The following ARHGAP44 variants were observed in gnomAD, a reference collection of about 807,000 sequenced individuals.
ARHGAP44 encodes rho GTPase-activating protein 44.
Under a neutral mutation model 106.8 loss-of-function variants are expected in ARHGAP44, and 43 were observed. The observed-to-expected ratio is 0.40, with a 90% confidence interval of 0.32 to 0.52. The LOEUF is 0.52. Ranked by LOEUF, ARHGAP44 falls within the 20% of genes least tolerant of loss-of-function variation. The pLI is 0.48. For synonymous variants in ARHGAP44, 439 were observed against 410.3 expected (o/e 1.07, Z -0.85); for missense variants, 866 against 1,050.5 (o/e 0.82, Z 2.43).
At chr17:12,970,449 T>C (rs2143301101) in intron 16 of ARHGAP44, among the ~76,000 whole-genome samples, 1 of 150,024 alleles carries the variant, frequency 6.7e-6, no homozygotes, top group South Asian at 2.1e-4. Flanking sequence ...CAGGTTCCAC[T>C]CCCCAGATTC....
intron 1 of ARHGAP44, chr17:12,790,202 C>G: frequency 2.7e-6 from 1 of 372,646 alleles, no homozygotes; most frequent in Non-Finnish European, 4.8e-6. Context: ...ACTCCCTTCT[C>G]CCTCTGGCCG....
chr17:12,845,515 A>AAAC (rs1555546586), intron 1 of ARHGAP44, among the ~76,000 whole-genome samples: 5 of 130,964 alleles, frequency 3.8e-5, no homozygotes, highest in African/African-American at 1.5e-4. Flanking sequence ...TCAAAAAAAA[A>AAAC]AAAAAAACAA....
intron 1 of ARHGAP44, among the ~76,000 whole-genome samples, chr17:12,819,416 T>A (rs1216174262): frequency 6.6e-6 from 1 of 152,036 alleles, no homozygotes; most frequent in Non-Finnish European, 1.5e-5. Flanking sequence ...AACAAATCTC[T>A]TTGTGAATTG....
At chr17:12,837,304 A>G (rs1311488428) in intron 1 of ARHGAP44, among the ~76,000 whole-genome samples, 1 of 152,224 alleles carries the variant, frequency 6.6e-6, no homozygotes, top group African/African-American at 2.4e-5. Context: ...ACATTAGAAA[A>G]GAAGAATGGG....
At chr17:12,823,438 G>A (rs532945747) in intron 1 of ARHGAP44, among the ~76,000 whole-genome samples, 1 of 152,158 alleles carries the variant, frequency 6.6e-6, no homozygotes, top group African/African-American at 2.4e-5. Context: ...CTCCTTCCTA[G>A]AGAAAATTGA....
chr17:12,941,227 G>C, intron 8 of ARHGAP44, 103 bp downstream of exon 8: 1 of 1,109,182 alleles, frequency 9.0e-7, no homozygotes, highest in Non-Finnish European at 1.3e-6. Flanking sequence ...ATAGAAAAAG[G>C]TGGGAGCTTT....
intron 1 of ARHGAP44, among the ~76,000 whole-genome samples, chr17:12,843,771 T>C (rs1325521803): frequency 6.6e-6 from 1 of 150,396 alleles, no homozygotes; most frequent in African/African-American, 2.4e-5. Context: ...TTCTCCCGGC[T>C]CAGCCTCCCA....
In ARHGAP44 at chr17:12,802,954, TA is replaced by T. The variant is rs2034152918; in HGVS notation, c.53+13064del. 3.7e-4 allele frequency among the ~76,000 whole-genome samples: 9 copies of T among 24,262 alleles called. 1 individual carries two copies. Among genetic ancestry groups the T allele is most frequent in the African/African-American group, 3.6e-3 (9 of 2,504 alleles). 15.9% of individuals were successfully genotyped at this position (24,262 alleles called of 152,430 possible). A position where few individuals can be genotyped will look rare whatever the true frequency, so the allele number is the denominator to read the frequency against. ...ATATATATATATATATATATATATATATATATATATATATATTTTTTTTTTT... is the reference window on the plus strand; with the variant it reads ...ATATATATATATATATATATATATATTATATATATATATATTTTTTTTTTT... On this transcript the variant is annotated intron_variant, in intron 1 of 20. Coordinates refer to ENST00000379672, the MANE Select transcript of ARHGAP44 (RefSeq NM_014859.6).
chr17:12,974,231 G>T lies in ARHGAP44; in HGVS notation c.1684G>T (p.Glu562Ter). Residue 562 changes from glutamate (E) to a stop codon, truncating the protein, a stop_gained, in exon 18 of 21, where the codon GAG becomes TAG. Transcript: ENST00000379672. LOFTEE classifies it high-confidence loss of function. Reference protein sequence around the residue: ...LAAPLPSPLPEQPLDSPAAPA... With the variant: ...LAAPLPSPLP ...TGCGCCCCTGCCTTCGCCGCTGCCGGAGCAGCCCCTGGACAGCCCCGCGGC... is the reference window on the plus strand; with the variant it reads ...TGCGCCCCTGCCTTCGCCGCTGCCGTAGCAGCCCCTGGACAGCCCCGCGGC... 1 of 1,545,828 alleles carries T rather than the reference G, an allele frequency of 6.5e-7. No homozygotes were observed.
At chr17:12,913,228 G>T (rs1206742036) in intron 4 of ARHGAP44, among the ~76,000 whole-genome samples, 2 of 152,122 alleles carry the variant, frequency 1.3e-5, no homozygotes, top group African/African-American at 4.8e-5. Context: ...CACTGCTTAG[G>T]ATGAGGTTTA....
At chr17:12,792,613 G>C (rs543006169) in intron 1 of ARHGAP44, among the ~76,000 whole-genome samples, 1 of 152,136 alleles carries the variant, frequency 6.6e-6, no homozygotes, top group Non-Finnish European at 1.5e-5. Context: ...TTGGAATTTG[G>C]ACTTTAGGTG....
rs1024100479 is a variant in ARHGAP44 at position 12,825,161 on chromosome 17, C to A, written c.53+35270C>A. On this transcript the variant is annotated intron_variant, in intron 1 of 20. Coordinates refer to ENST00000379672, the MANE Select transcript of ARHGAP44 (RefSeq NM_014859.6). ...AAGTGATCCTCCTACTTCAGCCTCCCGAGTAACTGGGACTACAGGCACATG... is the reference window on the plus strand; with the variant it reads ...AAGTGATCCTCCTACTTCAGCCTCCAGAGTAACTGGGACTACAGGCACATG... 1.3e-5 allele frequency among the ~76,000 whole-genome samples: 2 copies of A among 152,038 alleles called. 1 individual carries two copies. Among genetic ancestry groups the A allele is most frequent in the Non-Finnish European group, 2.9e-5 (2 of 67,996 alleles).
At chr17:12,959,054 A>T (rs1442447658) in intron 16 of ARHGAP44, 157 bp downstream of exon 16, 30 of 924,544 alleles carry the variant, frequency 3.2e-5, no homozygotes, top group Non-Finnish European at 4.8e-5. Context: ...TGTGTCTGGG[A>T]TGAGTTTCTT....
chr17:12,943,271 C>T (rs975088941), intron 8 of ARHGAP44, among the ~76,000 whole-genome samples: 1 of 152,084 alleles, frequency 6.6e-6, no homozygotes, highest in Non-Finnish European at 1.5e-5. Flanking sequence ...TTCTTTGTTG[C>T]CTTTTGCACT....
At chr17:12,915,173 G>C (rs1567684257) in intron 4 of ARHGAP44, among the ~76,000 whole-genome samples, 1 of 152,198 alleles carries the variant, frequency 6.6e-6, no homozygotes, top group African/African-American at 2.4e-5. Flanking sequence ...AGAGAAGCTG[G>C]GTCTACAGGC....
intron 7 of ARHGAP44, among the ~76,000 whole-genome samples, chr17:12,940,413 T>C (rs1373629141): frequency 6.6e-5 from 10 of 152,200 alleles, no homozygotes; most frequent in Non-Finnish European, 1.3e-4. Context: ...ACATTCCAGA[T>C]TTCAATGCAG....
At chr17:12,985,127 C>G in intron 20 of ARHGAP44, 1 of 579,824 alleles carries the variant, frequency 1.7e-6, no homozygotes. Context: ...TATGGGATCT[C>G]TCTCGGTCTA....
At position 12,867,753 on chromosome 17, in the gene ARHGAP44, T is replaced by G. The variant is rs2036274052; in HGVS notation, c.54-27187T>G. Among the ~76,000 whole-genome samples the G allele has an allele frequency of 2.0e-5, 3 of 151,720 alleles. No individual in the cohort carries two copies. The South Asian group carries it at 6.2e-4, about 32-fold the overall frequency. On this transcript the variant is annotated intron_variant, in intron 1 of 20. Coordinates refer to ENST00000379672, the MANE Select transcript of ARHGAP44 (RefSeq NM_014859.6). ...TATCAAGGAAAATAATGTGAAGGAG[T>G]GATTAGAACCCTCTTGGGACACTTT...
intron 3 of ARHGAP44, among the ~76,000 whole-genome samples, chr17:12,903,138 A>T (rs62058088): frequency 0.11 from 10,240 of 89,770 alleles, 556 homozygotes; most frequent in East Asian, 0.19. Context: ...AGAGAGAGAG[A>T]GAGTGTGTGT....
Sources: gnomAD v4.1 joint callset for allele counts (sites outside exome capture counted in the v4.1 genomes callset) on GRCh38, gnomAD v4.1.1 for gene constraint, MANE v1.5 for transcripts, NCBI Gene and HGNC (gene_info 2026-07-23, HGNC 2026-07-21) for gene names.